The following ETS1 variants were observed in gnomAD, a reference collection of about 807,000 sequenced individuals.
ETS1 encodes the protein protein C-ets-1.
ETS1 carries 15 observed loss-of-function variants against 58.6 expected under a neutral mutation model. The ratio of observed to expected loss-of-function variants is 0.26; its 90% CI spans 0.17 to 0.39. ETS1 has a LOEUF of 0.39. Ranked by LOEUF, ETS1 falls within the 10% of genes least tolerant of loss-of-function variation. ETS1 has a pLI of 1.00. For synonymous variants in ETS1, 214 were observed against 218.2 expected (o/e 0.98, Z 0.17); for missense variants, 417 against 610.5 (o/e 0.68, Z 3.34).
At chr11:128,545,696 AT>A (rs1207034563) in intron 3 of ETS1, among the ~76,000 whole-genome samples, 2 of 152,214 alleles carry the variant, frequency 1.3e-5, no homozygotes, top group African/African-American at 4.8e-5. Context: ...GCTATGAACT[AT>A]TTTTCATCTC....
At position 128,549,956 on chromosome 11, in the gene ETS1, C is replaced by G. The variant is rs1292342890; in HGVS notation, c.214+6335G>C. The stretch of plus-strand genomic sequence containing the variant: ...TGGGCATCTGGTTTCTTCGATTCAC[C>G]TAAATCCACACTCACACCATGGCGA... On this transcript the variant is annotated intron_variant, in intron 3 of 9. Transcript: ENST00000392668. This position sits in a 1 kb window ranked among gnomAD's most constrained non-coding sequence, Gnocchi z 4.3. Among the ~76,000 whole-genome samples the G allele has an allele frequency of 6.6e-6, 1 of 152,200 alleles. No individual in the cohort carries two copies. The highest frequency in any genetic ancestry group is 2.4e-5 in the African/African-American group (1 of 41,446).
chr11:128,553,124 C>T (rs1421367108), intron 3 of ETS1, among the ~76,000 whole-genome samples: 1 of 152,064 alleles, frequency 6.6e-6, no homozygotes, highest in East Asian at 1.9e-4. Context: ...AGAAGGATGA[C>T]GAGAAGCTGA....
intron 3 of ETS1, among the ~76,000 whole-genome samples, chr11:128,546,818 A>G (rs931257800): frequency 1.3e-5 from 2 of 152,134 alleles, no homozygotes; most frequent in African/African-American, 4.8e-5. Context: ...TCTTCCCTAT[A>G]TGACATAAGG....
chr11:128,515,728 A>G (rs1045189274), intron 3 of ETS1, among the ~76,000 whole-genome samples: 1 of 152,144 alleles, frequency 6.6e-6, no homozygotes, highest in African/African-American at 2.4e-5. Flanking sequence ...TTCTATCTCT[A>G]CACCATTATG....
Position 128,548,680 on chromosome 11 carries a change from GT to G in ETS1, c.214+7610del, listed in dbSNP as rs573288978. On this transcript the variant is annotated intron_variant, in intron 3 of 9. Coordinates refer to ENST00000392668, the MANE Select transcript of ETS1 (RefSeq NM_001143820.2). ...GCGCTGCCACAGGCCGAAGGGCGAG[GT>G]TCGGGCCGAGGCAGCCCACGCCCGT... Among the ~76,000 whole-genome samples, 76 of 152,378 alleles carry G rather than the reference GT, an allele frequency of 5.0e-4. 2 individuals carry two copies. In the South Asian group the frequency reaches 0.014, roughly 29 times the overall value.
chr11:128,482,319 T>G (rs1162773408), intron 7 of ETS1, among the ~76,000 whole-genome samples: 1 of 152,232 alleles, frequency 6.6e-6, no homozygotes, highest in African/African-American at 2.4e-5. Context: ...CTACTGATCT[T>G]CATGGTCACT....
At chr11:128,555,321 G>T (rs1864295573) in intron 3 of ETS1, among the ~76,000 whole-genome samples, 4 of 152,186 alleles carry the variant, frequency 2.6e-5, no homozygotes. Context: ...TTAAGTAATT[G>T]ACCAAAGAAT....
chr11:128,529,930 A>G (rs1237855153), intron 3 of ETS1, among the ~76,000 whole-genome samples: 1 of 152,210 alleles, frequency 6.6e-6, no homozygotes, highest in Non-Finnish European at 1.5e-5. Flanking sequence ...TGCTGCTTTA[A>G]ACCTCTTTTC....
At chr11:128,572,270 A>G (rs1460954180) in intron 2 of ETS1, 1 of 151,698 alleles carries the variant, frequency 6.6e-6, no homozygotes, top group Non-Finnish European at 1.5e-5. Context: ...AAAAAAAAAG[A>G]AAAAGAAAAA....
At chr11:128,500,997 C>G (rs1220669901) in intron 3 of ETS1, among the ~76,000 whole-genome samples, 1 of 152,170 alleles carries the variant, frequency 6.6e-6, no homozygotes, top group Non-Finnish European at 1.5e-5. Flanking sequence ...TTTAAATCTG[C>G]CTTCTTATGA....
At chr11:128,570,600 A>G (rs1864607323) in intron 2 of ETS1, among the ~76,000 whole-genome samples, 1 of 152,200 alleles carries the variant, frequency 6.6e-6, no homozygotes, top group African/African-American at 2.4e-5. Context: ...TAGTACCTGT[A>G]AATAGAATTA....
intron 1 of ETS1, among the ~76,000 whole-genome samples, chr11:128,584,452 G>A (rs1864933213): frequency 6.6e-6 from 1 of 152,144 alleles, no homozygotes; most frequent in Non-Finnish European, 1.5e-5. Context: ...TCCCCACCTG[G>A]TAAATGGGGA....
chr11:128,494,338 A>G (rs1169787224), intron 3 of ETS1, among the ~76,000 whole-genome samples: 1 of 152,206 alleles, frequency 6.6e-6, no homozygotes, highest in Non-Finnish European at 1.5e-5. Context: ...TTCAGTTAAT[A>G]TTTATAGGAA....
chr11:128,495,622 T>G lies in ETS1; in HGVS notation c.215-5046A>C, dbSNP rs148983490. ...TACATAAAGGCTTACTGAAATATATTTTTTAAAGTAAAAGTAAACCAAGAA... is the reference window on the plus strand; with the variant it reads ...TACATAAAGGCTTACTGAAATATATGTTTTAAAGTAAAAGTAAACCAAGAA... On this transcript the variant is annotated intron_variant, in intron 3 of 9. Transcript: ENST00000392668. Among the ~76,000 whole-genome samples the G allele has an allele frequency of 6.9e-3, 1,048 of 152,318 alleles. 14 individuals are homozygous for G. The highest frequency in any genetic ancestry group is 0.024 in the African/African-American group (983 of 41,584).
At chr11:128,553,003 G>A (rs1259510949) in intron 3 of ETS1, among the ~76,000 whole-genome samples, 1 of 148,666 alleles carries the variant, frequency 6.7e-6, no homozygotes, top group Non-Finnish European at 1.5e-5. Context: ...GAGGAAGGGA[G>A]CAGAGAGGAG....
At chr11:128,482,781 G>A (rs1862523454) in intron 7 of ETS1, among the ~76,000 whole-genome samples, 1 of 152,140 alleles carries the variant, frequency 6.6e-6, no homozygotes, top group Non-Finnish European at 1.5e-5. Flanking sequence ...CTGTCCACTA[G>A]CCAGCCTTTC....
intron 3 of ETS1, among the ~76,000 whole-genome samples, chr11:128,535,840 G>A (rs555544619): frequency 6.6e-6 from 1 of 152,294 alleles, no homozygotes; most frequent in Non-Finnish European, 1.5e-5. Context: ...AAGACACAAA[G>A]CAACAGGAAG....
At chr11:128,489,801 T>C (rs1197637632) in intron 4 of ETS1, among the ~76,000 whole-genome samples, 2 of 152,212 alleles carry the variant, frequency 1.3e-5, no homozygotes, top group Non-Finnish European at 2.9e-5. Flanking sequence ...CTTATTCCCA[T>C]TGGACTTTTT....
At chr11:128,486,349 T>C (rs527813129) in intron 5 of ETS1, among the ~76,000 whole-genome samples, 1 of 152,328 alleles carries the variant, frequency 6.6e-6, no homozygotes, top group Non-Finnish European at 1.5e-5. Flanking sequence ...CTAAGGTTAT[T>C]ATTTCAGTAG....
Sources: allele counts gnomAD v4.1 joint callset (sites outside exome capture counted in the v4.1 genomes callset), GRCh38; gene constraint gnomAD v4.1.1; non-coding constraint Gnocchi (gnomAD v3.1); transcripts MANE v1.5; gene names NCBI Gene and HGNC (gene_info 2026-07-23, HGNC 2026-07-21).